The following CCNF variants were observed in gnomAD, a reference collection of about 807,000 sequenced individuals.
The protein encoded by CCNF is cyclin-F.
CCNF carries 30 observed loss-of-function variants against 85.4 expected under a neutral mutation model. That is an observed-to-expected ratio of 0.35 (90% CI 0.26 to 0.48). The LOEUF is 0.48. CCNF is among the 20% of genes least tolerant of loss of function. CCNF has a pLI of 0.99. For missense variants in CCNF, 919 were observed against 1,010.4 expected, an observed-to-expected ratio of 0.91 and a Z score of 1.23; for synonymous variants, 439 against 425.1, an observed-to-expected ratio of 1.03 and a Z score of -0.40.
chr16:2,435,729 ACTT>A (rs1228664499), intron 3 of CCNF, 74 bp from the exon 4 acceptor site: 12 of 860,862 alleles, frequency 1.4e-5, no homozygotes, highest in Non-Finnish European at 2.1e-5. Flanking sequence ...AAGTATTCTG[ACTT>A]CTTCAAGTGC....
intron 10 of CCNF, among the ~76,000 whole-genome samples, chr16:2,447,508 C>T (rs562188116): frequency 5.3e-4 from 80 of 152,020 alleles, no homozygotes; most frequent in Non-Finnish European, 1.3e-4. Flanking sequence ...TGCTTGAACC[C>T]GAGAGGCAGA....
intron 3 of CCNF, among the ~76,000 whole-genome samples, chr16:2,433,622 C>T (rs1003265384): frequency 6.6e-6 from 1 of 152,188 alleles, no homozygotes; most frequent in South Asian, 2.1e-4. Context: ...GAGTCTCGCT[C>T]TGTCACCAGG....
chr16:2,438,988 ACT>A (rs2065306718), intron 6 of CCNF, among the ~76,000 whole-genome samples: 1 of 150,404 alleles, frequency 6.6e-6, no homozygotes, highest in Admixed American at 6.7e-5. Flanking sequence ...ACAGAGGGAG[ACT>A]CTGCCTCAAC....
chr16:2,429,721 C>A (rs1000901936), intron 1 of CCNF, among the ~76,000 whole-genome samples: 1 of 152,078 alleles, frequency 6.6e-6, no homozygotes, highest in African/African-American at 2.4e-5. Flanking sequence ...AGCCTTCCCC[C>A]GCGGCGACGT....
rs112939661 is a variant in CCNF, at chr16:2,449,073, A to G, written c.1218+95A>G. 8.0e-5 allele frequency: 124 copies of G among 1,545,254 alleles called. No individual in the cohort carries two copies. The African/African-American group carries it at 1.2e-3, about 16-fold the overall frequency. ...AGCTTTCCTGCTGTGGGAGGGCCTCATGGACTCAGAGAGCAGCTGTCTCTG... is the reference window on the plus strand; with the variant it reads ...AGCTTTCCTGCTGTGGGAGGGCCTCGTGGACTCAGAGAGCAGCTGTCTCTG... On this transcript the variant is annotated intron_variant, in intron 11 of 16. Transcript: ENST00000397066.
intron 8 of CCNF, among the ~76,000 whole-genome samples, chr16:2,440,343 G>A (rs1027763440): frequency 3.3e-5 from 5 of 152,180 alleles, no homozygotes; most frequent in Non-Finnish European, 4.4e-5. Flanking sequence ...TTAGGGCCAG[G>A]TGCGGTGGCT....
At chr16:2,450,702 C>G (rs899809167) in intron 13 of CCNF, among the ~76,000 whole-genome samples, 10 of 152,206 alleles carry the variant, frequency 6.6e-5, no homozygotes, top group African/African-American at 2.4e-4. Flanking sequence ...CACCGTGGCC[C>G]TCAGGCGGCA....
rs1407526647 is a variant in CCNF, at chr16:2,451,785, T to C, written c.1488-1425T>C. 6.6e-6 allele frequency among the ~76,000 whole-genome samples: 1 copy of C among 152,200 alleles called. No homozygotes were observed. The highest frequency in any genetic ancestry group is 1.5e-5 in the Non-Finnish European group (1 of 68,026). ...GGCTTCGGCTTCCTGCCCTAGGCCA[T>C]GCGGCCTAGGTGTTGGTCTCCCTTC... On this transcript the variant is annotated intron_variant, in intron 13 of 16. Transcript: ENST00000397066. This position sits in a 1 kb window ranked among gnomAD's most constrained non-coding sequence, Gnocchi z 4.3.
At chr16:2,449,038 GT>G in intron 11 of CCNF, 60 bp downstream of exon 11, 2 of 992,266 alleles carry the variant, frequency 2.0e-6, no homozygotes, top group Non-Finnish European at 3.2e-6. Context: ...GAGGGTGGGG[GT>G]GGGCATTCAG....
chr16:2,437,667 T>C (rs555999924), intron 5 of CCNF: 11 of 319,396 alleles, frequency 3.4e-5, no homozygotes, highest in East Asian at 6.2e-5. Context: ...GGCTGGAGAA[T>C]TGCTTGTGGC....
At chr16:2,435,199 C>T (rs1426411073) in intron 3 of CCNF, among the ~76,000 whole-genome samples, 2 of 144,480 alleles carry the variant, frequency 1.4e-5, no homozygotes, top group African/African-American at 5.2e-5. Context: ...TGTAGTGAGC[C>T]GAGATTGCGC....
In CCNF at chr16:2,429,509, G is replaced by A. The variant is rs1397706019; in HGVS notation, c.16+12G>A. 3.2e-6 allele frequency: 4 copies of A among 1,230,808 alleles called. No homozygotes were observed. The highest frequency in any genetic ancestry group is 4.1e-6 in the Non-Finnish European group (4 of 986,480). 76.2% of individuals were successfully genotyped at this position (1,230,808 alleles called of 1,614,324 possible). On this transcript the variant is annotated intron_variant, in intron 1 of 16. Transcript: ENST00000397066. ...GGGGAGCGGCGGCGGTGAGTGCGGG[G>A]CGATGTCCGCTGGTTTCTGCCCCAC...
In CCNF at chr16:2,456,568, G is replaced by A. The variant is rs753000700; in HGVS notation, c.1909G>A (p.Asp637Asn). Reference sequence around the variant, plus strand: ...AGTGACAGCTCCCAGCGGCATCCTCGATGTCACCGTGGTCTACCTGAACCC... The same window carrying A: ...AGTGACAGCTCCCAGCGGCATCCTCAATGTCACCGTGGTCTACCTGAACCC... ...GDVTAPSGILDVTVVYLNPEQ... is the reference protein window; with the variant it reads ...GDVTAPSGILNVTVVYLNPEQ... The change falls in exon 17 of 17, where the codon GAT becomes AAT. Residue 637 changes from aspartate to asparagine, a missense_variant. By Grantham distance (23) the Asp-to-Asn change is conservative. Coordinates refer to ENST00000397066, the MANE Select transcript of CCNF (RefSeq NM_001761.3). The surrounding 1 kb of genome is among the most constrained non-coding windows in gnomAD (Gnocchi z 4.5). 6 of 1,549,330 alleles carry A rather than the reference G, an allele frequency of 3.9e-6. No individual in the cohort carries two copies. Among genetic ancestry groups the A allele is most frequent in the East Asian group, 2.3e-5 (1 of 44,258 alleles).
chr16:2,429,830 C>A (rs1161716894), intron 1 of CCNF, among the ~76,000 whole-genome samples: 1 of 152,060 alleles, frequency 6.6e-6, no homozygotes, highest in Non-Finnish European at 1.5e-5. Context: ...CAAACACCAG[C>A]GCCTCCTGGT....
chr16:2,450,805 G>A (rs2065390675), intron 13 of CCNF, among the ~76,000 whole-genome samples: 1 of 152,204 alleles, frequency 6.6e-6, no homozygotes, highest in Non-Finnish European at 1.5e-5. Context: ...GGCGGTGGCT[G>A]AGCTCATAGT....
chr16:2,441,632 C>G (rs1273073292), intron 8 of CCNF, among the ~76,000 whole-genome samples: 1 of 151,772 alleles, frequency 6.6e-6, no homozygotes, highest in South Asian at 2.1e-4. Context: ...CGCCTGGGTT[C>G]AAGCCTTCTG....
At chr16:2,444,783 G>A (rs2065352437) in intron 9 of CCNF, among the ~76,000 whole-genome samples, 1 of 152,126 alleles carries the variant, frequency 6.6e-6, no homozygotes, top group African/African-American at 2.4e-5. Flanking sequence ...TTTTAGTAGA[G>A]ACAGGGTATC....
chr16:2,445,374 G>A (rs749877657), intron 9 of CCNF, 84 bp from the exon 10 acceptor site: 17 of 1,462,118 alleles, frequency 1.2e-5, no homozygotes, highest in Middle Eastern at 1.8e-4. Flanking sequence ...TTATTTGGTC[G>A]GGCCCAACAG....
intron 15 of CCNF, among the ~76,000 whole-genome samples, chr16:2,454,205 T>G (rs1268499346): frequency 6.6e-6 from 1 of 152,184 alleles, no homozygotes; most frequent in Non-Finnish European, 1.5e-5. Flanking sequence ...AGAAGCGTTG[T>G]GTCGGGAGTG....
Sources: allele counts gnomAD v4.1 joint callset (sites outside exome capture counted in the v4.1 genomes callset), GRCh38; gene constraint gnomAD v4.1.1; non-coding constraint Gnocchi (gnomAD v3.1); transcripts MANE v1.5; gene names NCBI Gene and HGNC (gene_info 2026-07-23, HGNC 2026-07-21).